SLC17A8: variants seen among roughly 807,000 people sequenced by gnomAD.
SLC17A8 encodes solute carrier family 17 member 8.
SLC17A8 carries 31 observed loss-of-function variants against 58.0 expected under a neutral mutation model. The observed-to-expected ratio is 0.53, with a 90% CI of 0.40 to 0.72. The LOEUF is 0.72. Ranked by LOEUF, SLC17A8 falls within the 30% of genes least tolerant of loss-of-function variation. SLC17A8 has a pLI of 0.00. For missense variants in SLC17A8, 655 were observed against 727.8 expected (o/e 0.90, Z 1.15); for synonymous variants, 228 against 249.0 (o/e 0.92, Z 0.79).
At chr12:100,393,249 C>A (rs1952729175) in intron 3 of SLC17A8, 120 bp from the exon 4 acceptor site, 1 of 714,496 alleles carries the variant, frequency 1.4e-6, no homozygotes. Flanking sequence ...CAGGTACGAT[C>A]TTTCCACAGG....
chr12:100,409,188 T>C (rs930595690), intron 9 of SLC17A8, among the ~76,000 whole-genome samples: 2 of 150,428 alleles, frequency 1.3e-5, no homozygotes, highest in African/African-American at 2.5e-5. Context: ...TATGTATGTA[T>C]GTATGTATGT....
rs59689031 is a variant in SLC17A8 at position 100,421,658 on chromosome 12, G to GTTTTTTTTTTTTTTTTTTTTTTTTTTTTT, written c.*1521_*1522insTTTTTTTTTTTTTTTTTTTTTTTTTTTTT. ...TACTTGTAGCTTATTATTGTAAAGTGTTTTTTTTTTTTTTTTTTTTTTCTA... is the reference window on the plus strand; with the variant it reads ...TACTTGTAGCTTATTATTGTAAAGTGTTTTTTTTTTTTTTTTTTTTTTTTTTTTTTTTTTTTTTTTTTTTTTTTTTTCTA... On this transcript the variant is annotated 3_prime_UTR_variant, in exon 12 of 12. Transcript: ENST00000323346. The GTTTTTTTTTTTTTTTTTTTTTTTTTTTTT allele has an allele frequency of 1.8e-5, 2 of 109,870 alleles. No homozygotes were observed. The highest frequency in any genetic ancestry group is 3.4e-5 in the Non-Finnish European group (2 of 58,400). 6.8% of individuals were successfully genotyped at this position (109,870 alleles called of 1,614,324 possible). A position where few individuals can be genotyped will look rare whatever the true frequency, so the allele number is the denominator to read the frequency against.
rs992312192 is a variant in SLC17A8, at chr12:100,402,754, A to G, written c.1053+9A>G. The G allele has an allele frequency of 1.9e-5, 31 of 1,610,168 alleles. No homozygotes were observed. The highest frequency in any genetic ancestry group is 2.5e-5 in the Non-Finnish European group (29 of 1,178,940). On this transcript the variant is annotated intron_variant, in intron 8 of 11. Transcript: ENST00000323346. ...GATTTGCAATAAGTAAGGTAAACAC[A>G]CAGATGCTCCAAATATTTTTGAACT...
intron 1 of SLC17A8, among the ~76,000 whole-genome samples, chr12:100,369,334 G>A (rs1245357623): frequency 6.6e-6 from 1 of 152,170 alleles, no homozygotes; most frequent in Non-Finnish European, 1.5e-5. Flanking sequence ...CTTCCTGGAA[G>A]GATCAGGTCT....
At chr12:100,402,815 T>G in intron 8 of SLC17A8, 70 bp downstream of exon 8, 1 of 1,443,944 alleles carries the variant, frequency 6.9e-7, no homozygotes, top group Non-Finnish European at 9.5e-7. Flanking sequence ...TAACTTTGTA[T>G]GATAAAATAA....
chr12:100,357,558 T>C, intron 1 of SLC17A8, 66 bp downstream of exon 1: 2 of 1,077,530 alleles, frequency 1.9e-6, no homozygotes, highest in Non-Finnish European at 2.9e-6. Flanking sequence ...TGTGAGAGAC[T>C]TGGTATCACG....
chr12:100,381,072 A>C, intron 2 of SLC17A8, 119 bp downstream of exon 2: 2 of 1,145,258 alleles, frequency 1.7e-6, no homozygotes, highest in South Asian at 2.5e-5. Flanking sequence ...GCCAGGTTGA[A>C]ATTAACCTCC....
chr12:100,367,850 G>A (rs1952531157), intron 1 of SLC17A8, among the ~76,000 whole-genome samples: 1 of 152,180 alleles, frequency 6.6e-6, no homozygotes, highest in African/African-American at 2.4e-5. Flanking sequence ...CCTGTGCCCA[G>A]CTTTCAAGTT....
chr12:100,362,620 G>A (rs965627311), intron 1 of SLC17A8, among the ~76,000 whole-genome samples: 2 of 152,052 alleles, frequency 1.3e-5, no homozygotes, highest in Admixed American at 6.6e-5. Context: ...GGGGAACTGG[G>A]GAGTGTGCTA....
chr12:100,403,949 G>C, intron 8 of SLC17A8, 89 bp from the exon 9 acceptor site: 1 of 1,471,114 alleles, frequency 6.8e-7, no homozygotes, highest in Non-Finnish European at 9.5e-7. Flanking sequence ...GTAGGTAGGG[G>C]GGCTGTGGAG....
At chr12:100,370,612 T>TAAAAAAAAAAAAA (rs61103377) in intron 1 of SLC17A8, among the ~76,000 whole-genome samples, 2 of 127,178 alleles carry the variant, frequency 1.6e-5, no homozygotes, top group Non-Finnish European at 3.5e-5. Context: ...ATCTAAATTC[T>TAAAAAAAAAAAAA]AAAAAAAAAA....
In SLC17A8 at chr12:100,384,880, T is replaced by C. The variant is rs183701428; in HGVS notation, c.354+3927T>C. Among the ~76,000 whole-genome samples the C allele has an allele frequency of 2.4e-3, 361 of 152,276 alleles. 2 individuals carry two copies. The highest frequency in any genetic ancestry group is 7.7e-3 in the African/African-American group (321 of 41,560). ...CTTGCTTGCCCCACAGAGTCTTTCA[T>C]TGGCTTTTCTTGGAGTCAGCTCCGT... On this transcript the variant is annotated intron_variant, in intron 2 of 11. Transcript: ENST00000323346.
At chr12:100,385,841 C>A (rs761387185) in intron 2 of SLC17A8, among the ~76,000 whole-genome samples, 1 of 152,248 alleles carries the variant, frequency 6.6e-6, no homozygotes, top group Non-Finnish European at 1.5e-5. Context: ...CTGTGGAGAC[C>A]GGAAGTCTAA....
At chr12:100,375,681 A>G (rs950983806) in intron 1 of SLC17A8, among the ~76,000 whole-genome samples, 16 of 152,218 alleles carry the variant, frequency 1.1e-4, no homozygotes, top group African/African-American at 3.9e-4. Context: ...ATCTGCATGT[A>G]TATAGAGAGC....
At chr12:100,383,491 A>G (rs1952651351) in intron 2 of SLC17A8, among the ~76,000 whole-genome samples, 1 of 152,176 alleles carries the variant, frequency 6.6e-6, no homozygotes, top group African/African-American at 2.4e-5. Context: ...CCAAATGACA[A>G]ATACTTTGCT....
rs530817145 is a variant in SLC17A8, at chr12:100,397,515, A to G, written c.676+1098A>G. 7.9e-5 allele frequency among the ~76,000 whole-genome samples: 12 copies of G among 152,220 alleles called. 1 individual carries two copies. In the East Asian group the frequency reaches 1.2e-3, roughly 15 times the overall value. On this transcript the variant is annotated intron_variant, in intron 5 of 11. Transcript: ENST00000323346. ...TTGCTGAGGTTGCCATCTCCAAGCT[A>G]CCCCTGTGGGACAGGCCTCTCTAGG...
chr12:100,415,797 A>G (rs1283033030), intron 10 of SLC17A8, among the ~76,000 whole-genome samples: 1 of 152,190 alleles, frequency 6.6e-6, no homozygotes, highest in Non-Finnish European at 1.5e-5. Flanking sequence ...AGGTATTGCT[A>G]TATTCACTTT....
intron 1 of SLC17A8, 115 bp downstream of exon 1, chr12:100,357,607 G>A (rs1592983226): frequency 2.7e-6 from 2 of 744,444 alleles, no homozygotes; most frequent in South Asian, 1.5e-5. Flanking sequence ...GGATGGGTCA[G>A]ATTAGATCCT....
chr12:100,371,873 T>C (rs1021613941), intron 1 of SLC17A8, among the ~76,000 whole-genome samples: 8 of 152,138 alleles, frequency 5.3e-5, no homozygotes, highest in African/African-American at 1.7e-4. Context: ...ATATTCTGAG[T>C]GTCTCAGTCT....
Sources: allele counts gnomAD v4.1 joint callset (sites outside exome capture counted in the v4.1 genomes callset), GRCh38; gene constraint gnomAD v4.1.1; transcripts MANE v1.5; gene names NCBI Gene and HGNC (gene_info 2026-07-23, HGNC 2026-07-21).